The following PRP4K variants were observed in gnomAD, a reference collection of about 807,000 sequenced individuals.
PRP4K encodes the protein pre-mRNA processing factor kinase PRP4K, also known as serine/threonine-protein kinase PRP4 homolog.
the PRP4K span, among the ~76,000 whole-genome samples, chr6:4,059,326 C>T: frequency 1.3e-5 from 2 of 152,190 alleles, no homozygotes; most frequent in African/African-American, 2.4e-5. Flanking sequence ...CCTTTGCTAA[C>T]AGACCTCCCT....
the PRP4K span, chr6:4,061,307 T>C: frequency 2.0e-5 from 3 of 152,824 alleles, no homozygotes; most frequent in African/African-American, 7.2e-5. Context: ...TTACAATTTC[T>C]GTTTGTTCAT....
chr6:4,022,648 C>T, the PRP4K span, among the ~76,000 whole-genome samples: 1 of 152,288 alleles, frequency 6.6e-6, no homozygotes, highest in East Asian at 1.9e-4. Context: ...CATTACTCAG[C>T]TAGGCAGAGA....
the PRP4K span, among the ~76,000 whole-genome samples, chr6:4,037,231 C>T: frequency 2.6e-5 from 4 of 152,070 alleles, no homozygotes; most frequent in Admixed American, 1.3e-4. Flanking sequence ...GCAATAACAC[C>T]AAAATATCAC....
the PRP4K span, among the ~76,000 whole-genome samples, chr6:4,053,558 A>G: frequency 1.3e-5 from 1 of 74,168 alleles, no homozygotes; most frequent in Non-Finnish European, 2.8e-5. Flanking sequence ...TCTGGTGGTA[A>G]CAGCAGATTT....
At chr6:4,034,855 G>A in the PRP4K span, among the ~76,000 whole-genome samples, 2 of 150,858 alleles carry the variant, frequency 1.3e-5, no homozygotes, top group Non-Finnish European at 3.0e-5. Context: ...TGGGATTACA[G>A]ACACGCACCA....
the PRP4K span, among the ~76,000 whole-genome samples, chr6:4,024,005 T>A: frequency 1.3e-5 from 2 of 151,994 alleles, no homozygotes; most frequent in Non-Finnish European, 2.9e-5. Flanking sequence ...TAGCTGGGAT[T>A]ACAGGCACGT....
the PRP4K span, among the ~76,000 whole-genome samples, chr6:4,048,215 A>G: frequency 1.3e-5 from 2 of 149,520 alleles, no homozygotes; most frequent in Non-Finnish European, 2.9e-5. Flanking sequence ...CATCTCTACT[A>G]AAAATACAAA....
At chr6:4,040,756 TTTC>T in the PRP4K span, 1 of 1,610,968 alleles carries the variant, frequency 6.2e-7, no homozygotes. Context: ...ATACCTGTCT[TTTC>T]TTCTTTAAAT....
At chr6:4,060,913 A>AGT in the PRP4K span, 5 of 333,382 alleles carry the variant, frequency 1.5e-5, no homozygotes, top group Non-Finnish European at 2.8e-5. The surrounding 1 kb of genome is among the most constrained non-coding windows in gnomAD (Gnocchi z 4.7). Flanking sequence ...TGAAATGAGT[A>AGT]GTAATATTGG....
chr6:4,052,183 C>T, the PRP4K span: 1 of 1,396,790 alleles, frequency 7.2e-7, no homozygotes, highest in East Asian at 2.4e-5. Context: ...AACAGATTTT[C>T]TGCGTATTTG....
chr6:4,034,110 T>G, the PRP4K span, among the ~76,000 whole-genome samples: 1 of 152,190 alleles, frequency 6.6e-6, no homozygotes, highest in Non-Finnish European at 1.5e-5. Flanking sequence ...GAAATTTACT[T>G]TATCTTAGGT....
the PRP4K span, chr6:4,021,523 G>A: frequency 1.3e-6 from 2 of 1,555,240 alleles, no homozygotes; most frequent in Non-Finnish European, 1.7e-6. Flanking sequence ...CCGAGTGGGA[G>A]CTGCACGGGG....
chr6:4,038,919 C>CTTTTTTT, the PRP4K span, among the ~76,000 whole-genome samples: 1 of 144,332 alleles, frequency 6.9e-6, no homozygotes, highest in Non-Finnish European at 1.5e-5. Flanking sequence ...AATTTTTGTG[C>CTTTTTTT]TTTTTTTTTT....
chr6:4,061,490 A>T, the PRP4K span: 16 of 152,674 alleles, frequency 1.0e-4, no homozygotes, highest in African/African-American at 3.9e-4. Flanking sequence ...CTAATTACAA[A>T]TGTTGAGGCC....
At chr6:4,038,631 GTTC>G in the PRP4K span, among the ~76,000 whole-genome samples, 3 of 151,998 alleles carry the variant, frequency 2.0e-5, no homozygotes, top group Admixed American at 6.6e-5. Flanking sequence ...ACACTTTTTT[GTTC>G]TTCTAGAGTC....
At chr6:4,064,800 G>A in the PRP4K span, 1 of 152,562 alleles carries the variant, frequency 6.6e-6, no homozygotes, top group Non-Finnish European at 1.5e-5. Flanking sequence ...TCTGTATATA[G>A]GGTAAGGGAC....
chr6:4,047,183 CAGA>C, the PRP4K span: 7 of 1,609,234 alleles, frequency 4.3e-6, no homozygotes, highest in Middle Eastern at 1.7e-4. Context: ...AGGTTCATCT[CAGA>C]AGAAGTTGTT....
chr6:4,059,702 A>G, the PRP4K span, among the ~76,000 whole-genome samples: 2 of 152,036 alleles, frequency 1.3e-5, no homozygotes, highest in African/African-American at 4.8e-5. Context: ...GTGAAGTGCA[A>G]TGGCACGATC....
At chr6:4,053,153 A>G in the PRP4K span, among the ~76,000 whole-genome samples, 1 of 152,160 alleles carries the variant, frequency 6.6e-6, no homozygotes, top group African/African-American at 2.4e-5. Context: ...TTACTGTAGT[A>G]ATGAGTTTCT....
Sources: gnomAD v4.1 joint callset for allele counts (sites outside exome capture counted in the v4.1 genomes callset) on GRCh38, gnomAD v4.1.1 for gene constraint, Gnocchi (gnomAD v3.1) non-coding constraint, MANE v1.5 for transcripts, NCBI Gene and HGNC (gene_info 2026-07-23, HGNC 2026-07-21) for gene names.